Variants in EIF4G3 observed in about 807,000 individuals in gnomAD.
EIF4G3 encodes the protein eIF-4-gamma 3.
Under a neutral mutation model 186.4 loss-of-function variants are expected in EIF4G3, and 34 were observed. The observed-to-expected ratio is 0.18, with a 90% CI of 0.14 to 0.24. EIF4G3 has a LOEUF of 0.24. Ranked by LOEUF, EIF4G3 falls within the 10% of genes least tolerant of loss-of-function variation. EIF4G3 has a pLI of 1.00. For missense variants in EIF4G3, 1,536 were observed against 1,948.5 expected, an observed-to-expected ratio of 0.79 and a Z score of 3.99; for synonymous variants, 673 against 679.5, an observed-to-expected ratio of 0.99 and a Z score of 0.15.
chr1:20,997,111 T>C (rs953886313), intron 7 of EIF4G3, among the ~76,000 whole-genome samples: 1 of 152,172 alleles, frequency 6.6e-6, no homozygotes, highest in African/African-American at 2.4e-5. Context: ...ATCCAGCAAA[T>C]GGATGTACAT....
At chr1:21,096,857 G>A (rs2096385623) in intron 2 of EIF4G3, among the ~76,000 whole-genome samples, 1 of 152,176 alleles carries the variant, frequency 6.6e-6, no homozygotes, top group Admixed American at 6.5e-5. Context: ...TGAAATGCTA[G>A]AGCATTGTTA....
chr1:20,806,313 TGCACATACGTGCGCATACAC>T (rs1299750576), downstream of EIF4G3: 4 of 152,534 alleles, frequency 2.6e-5, no homozygotes, highest in Admixed American at 2.6e-4. Context: ...TACATGTGCA[TGCACATACGTGCGCATACAC>T]GCACATACAC....
chr1:20,865,505 T>C (rs113635835), intron 20 of EIF4G3, among the ~76,000 whole-genome samples: 164 of 151,880 alleles, frequency 1.1e-3, no homozygotes, highest in African/African-American at 3.9e-3. Context: ...CTAGCTAACA[T>C]GGAAACCCTT....
intron 33 of EIF4G3, among the ~76,000 whole-genome samples, chr1:20,817,802 G>A (rs1177259582): frequency 6.7e-6 from 1 of 149,664 alleles, no homozygotes; most frequent in Non-Finnish European, 1.5e-5. Flanking sequence ...AGCCTCCTGA[G>A]TAGCTGGGAC....
In EIF4G3 at chr1:20,981,756, G is replaced by A. The variant is rs537411354; in HGVS notation, c.199-529C>T. On this transcript the variant is annotated intron_variant, in intron 8 of 36. Transcript: ENST00000602326. ...ATACTGTATATACACATACATATAT[G>A]TATACACACATACTGTATATATACA... Among the ~76,000 whole-genome samples, 24 of 144,706 alleles carry A rather than the reference G, an allele frequency of 1.7e-4. No homozygotes were observed. The East Asian group carries it at 4.7e-3, about 28-fold the overall frequency. The allele number at this position is 144,706 out of a possible 152,430, so 94.9% of individuals were successfully genotyped here.
chr1:20,853,726 T>G (rs1351594979), intron 26 of EIF4G3, 49 bp from the exon 27 acceptor site: 2 of 1,400,468 alleles, frequency 1.4e-6, no homozygotes, highest in Non-Finnish European at 2.0e-6. Context: ...ATGACTAAAA[T>G]GCAAATAATC....
intron 14 of EIF4G3, among the ~76,000 whole-genome samples, chr1:20,938,713 T>C (rs1190664993): frequency 6.6e-6 from 1 of 152,246 alleles, no homozygotes; most frequent in African/African-American, 2.4e-5. Flanking sequence ...ACTTAAAGAC[T>C]GGAGGTAATT....
At chr1:20,918,701 CTTTTTTT>C (rs35704755) in intron 14 of EIF4G3, among the ~76,000 whole-genome samples, 7 of 94,902 alleles carry the variant, frequency 7.4e-5, no homozygotes, top group African/African-American at 1.3e-4. Context: ...CTCCTAGTAT[CTTTTTTT>C]TTTTTTTTTT....
At chr1:20,849,240 AAG>A (rs2072419849) in intron 29 of EIF4G3, among the ~76,000 whole-genome samples, 173 bp downstream of exon 29, 1 of 152,214 alleles carries the variant, frequency 6.6e-6, no homozygotes, top group Admixed American at 6.5e-5. Context: ...ATCAAATTAA[AAG>A]AGAGTACTTG....
At chr1:21,174,751 T>A (rs2098067430) in intron 2 of EIF4G3, 1 of 152,130 alleles carries the variant, frequency 6.6e-6, no homozygotes. Flanking sequence ...CCACACTTTC[T>A]CATCGGTGAA....
rs542598163 is a variant in EIF4G3, at chr1:20,817,839, T to A, written c.4369-301A>T. ...CCAGACCCACACCACCACACTTGGC[T>A]ATTTTTTTGTGTTTTTAGTAGAGAA... On this transcript the variant is annotated intron_variant, in intron 33 of 36. Transcript: ENST00000602326. Among the ~76,000 whole-genome samples, 4 of 152,090 alleles carry A rather than the reference T, an allele frequency of 2.6e-5. No homozygotes were observed. In the East Asian group the frequency reaches 7.8e-4, roughly 30 times the overall value.
chr1:21,055,258 C>T (rs181659472), intron 3 of EIF4G3, among the ~76,000 whole-genome samples: 309 of 152,130 alleles, frequency 2.0e-3, no homozygotes, highest in African/African-American at 7.0e-3. Context: ...TATGAATACA[C>T]ATTTTTAACA....
At chr1:20,995,300 G>T (rs2082048186) in intron 7 of EIF4G3, among the ~76,000 whole-genome samples, 1 of 152,080 alleles carries the variant, frequency 6.6e-6, no homozygotes, top group African/African-American at 2.4e-5. Context: ...TAAATTTTTT[G>T]ATCAACAGTC....
rs981202444 is a variant in EIF4G3, at chr1:20,997,486, C to G, written c.177+115G>C. On this transcript the variant is annotated intron_variant, in intron 7 of 36. Transcript: ENST00000602326. ...TGAATTATATCAGATAAAAGCTACTCTTGAAATGAGTAATTTGAGTAGTTC... is the reference window on the plus strand; with the variant it reads ...TGAATTATATCAGATAAAAGCTACTGTTGAAATGAGTAATTTGAGTAGTTC... 7 of 1,034,914 alleles carry G rather than the reference C, an allele frequency of 6.8e-6. No individual in the cohort carries two copies. In the Admixed American group the frequency reaches 1.2e-4, roughly 18 times the overall value. The allele number at this position is 1,034,914 out of a possible 1,614,324, so 64.1% of individuals were successfully genotyped here.
intron 3 of EIF4G3, among the ~76,000 whole-genome samples, chr1:21,058,755 G>T (rs2094718241): frequency 1.2e-5 from 1 of 83,694 alleles, no homozygotes. Flanking sequence ...TTTTTGTAGA[G>T]ACAAGTTCTC....
At chr1:21,034,333 CA>C (rs557342036) in intron 4 of EIF4G3, among the ~76,000 whole-genome samples, 86 of 152,276 alleles carry the variant, frequency 5.6e-4, no homozygotes, top group Middle Eastern at 3.4e-3. Context: ...ATGTTTTAAG[CA>C]ACTCAAAACA....
At chr1:21,088,473 T>C (rs919091065) in intron 3 of EIF4G3, among the ~76,000 whole-genome samples, 3 of 151,884 alleles carry the variant, frequency 2.0e-5, no homozygotes, top group Admixed American at 6.6e-5. Flanking sequence ...TTTGAAAATA[T>C]GTAATCAAGG....
intron 12 of EIF4G3, among the ~76,000 whole-genome samples, chr1:20,966,282 C>G (rs2074635036): frequency 6.6e-6 from 1 of 152,148 alleles, no homozygotes; most frequent in African/African-American, 2.4e-5. Flanking sequence ...AGTCTTCTAA[C>G]CAGATATGAT....
Position 20,864,446 on chromosome 1 carries a change from G to A in EIF4G3, c.3006+30C>T, listed in dbSNP as rs754592858. The A allele has an allele frequency of 3.8e-5, 59 of 1,545,022 alleles. No individual in the cohort carries two copies. The Admixed American group carries it at 9.9e-4, about 26-fold the overall frequency. ...CTTTTGCAACTGACAAGGAGCCTTT[G>A]CGAAGGTTTCTGAGCTTTTGGATTT... On this transcript the variant is annotated intron_variant, in intron 22 of 36. Coordinates refer to ENST00000602326, the MANE Select transcript of EIF4G3 (RefSeq NM_001391906.1).
Sources: allele counts gnomAD v4.1 joint callset (sites outside exome capture counted in the v4.1 genomes callset), GRCh38; gene constraint gnomAD v4.1.1; transcripts MANE v1.5; gene names NCBI Gene and HGNC (gene_info 2026-07-23, HGNC 2026-07-21).